The following CACNA2D3 variants were observed in gnomAD, a reference collection of about 807,000 sequenced individuals.
The protein encoded by CACNA2D3 is voltage-dependent calcium channel subunit alpha-2/delta-3.
Under a neutral mutation model 160.6 loss-of-function variants are expected in CACNA2D3, and 60 were observed. That is an observed-to-expected ratio of 0.37 (90% CI 0.30 to 0.46). The LOEUF is 0.46. Among genes scored for constraint, CACNA2D3 ranks in the 20% least tolerant of loss-of-function variants. The pLI is 1.00. For missense variants in CACNA2D3, 1,205 were observed against 1,365.0 expected (o/e 0.88, Z 1.85); for synonymous variants, 558 against 492.9 (o/e 1.13, Z -1.75).
chr3:54,780,657 A>G (rs1321556222), intron 13 of CACNA2D3, among the ~76,000 whole-genome samples: 1 of 152,208 alleles, frequency 6.6e-6, no homozygotes, highest in African/African-American at 2.4e-5. Flanking sequence ...TTTAATTACC[A>G]TCCTTATTCA....
chr3:54,736,107 A>ATGTATG (rs1553814481), intron 11 of CACNA2D3, among the ~76,000 whole-genome samples: 1,886 of 20,730 alleles, frequency 0.091, 212 homozygotes, highest in African/African-American at 0.27. Context: ...ATACATATAT[A>ATGTATG]TGTATATATA....
At chr3:54,821,576 T>G (rs546590105) in intron 14 of CACNA2D3, among the ~76,000 whole-genome samples, 40 of 152,358 alleles carry the variant, frequency 2.6e-4, no homozygotes, top group African/African-American at 9.1e-4. Flanking sequence ...GCATTTTCTT[T>G]GTTTCCTTGT....
intron 4 of CACNA2D3, among the ~76,000 whole-genome samples, chr3:54,414,434 G>A (rs965970422): frequency 1.3e-5 from 2 of 152,040 alleles, no homozygotes; most frequent in Non-Finnish European, 2.9e-5. Context: ...AATTGATAAG[G>A]TTTTGTTTGA....
At chr3:54,749,949 G>A (rs1471316932) in intron 11 of CACNA2D3, among the ~76,000 whole-genome samples, 2 of 152,228 alleles carry the variant, frequency 1.3e-5, no homozygotes, top group Non-Finnish European at 2.9e-5. Flanking sequence ...CAGTGGTGGT[G>A]GTGGTCGTGG....
chr3:54,393,897 G>C (rs1342939682), intron 4 of CACNA2D3, among the ~76,000 whole-genome samples: 2 of 152,282 alleles, frequency 1.3e-5, no homozygotes, highest in South Asian at 2.1e-4. Context: ...TTGGGGAGTG[G>C]GGTCATCACT....
At chr3:54,704,258 C>G (rs1450609285) in intron 11 of CACNA2D3, among the ~76,000 whole-genome samples, 1 of 152,148 alleles carries the variant, frequency 6.6e-6, no homozygotes, top group African/African-American at 2.4e-5. Context: ...TAAGCCAAAG[C>G]CTTGGAGTAA....
intron 8 of CACNA2D3, among the ~76,000 whole-genome samples, chr3:54,575,251 A>G (rs1345702299): frequency 6.6e-6 from 1 of 152,236 alleles, no homozygotes; most frequent in Non-Finnish European, 1.5e-5. Context: ...GCAATTCTGC[A>G]TCAGTTTCTT....
intron 14 of CACNA2D3, among the ~76,000 whole-genome samples, chr3:54,820,344 G>T (rs974096015): frequency 6.6e-6 from 1 of 152,094 alleles, no homozygotes; most frequent in Non-Finnish European, 1.5e-5. Context: ...AATGACTGTT[G>T]TCTGTAAGTT....
At chr3:54,123,436 T>TGTGTGC (rs566135326) in intron 1 of CACNA2D3, 77 bp from the exon 2 acceptor site, 49 of 916,798 alleles carry the variant, frequency 5.3e-5, no homozygotes, top group East Asian at 1.5e-4. Context: ...CATAGTCCCA[T>TGTGTGC]GTGTGCGTGT....
At chr3:54,342,344 T>C (rs1294610984) in intron 3 of CACNA2D3, among the ~76,000 whole-genome samples, 2 of 151,658 alleles carry the variant, frequency 1.3e-5, no homozygotes, top group Admixed American at 6.6e-5. Context: ...GAGTTAGTAA[T>C]AGAAATCTAC....
At chr3:54,538,933 CAA>C (rs1701928945) in intron 5 of CACNA2D3, among the ~76,000 whole-genome samples, 1 of 152,192 alleles carries the variant, frequency 6.6e-6, no homozygotes, top group Non-Finnish European at 1.5e-5. Context: ...AAAATGTGGT[CAA>C]GAGGACTTTT....
intron 9 of CACNA2D3, among the ~76,000 whole-genome samples, chr3:54,623,974 C>A (rs1208192195): frequency 1.3e-5 from 2 of 151,926 alleles, no homozygotes; most frequent in Non-Finnish European, 2.9e-5. Context: ...AAATGAAGCT[C>A]CAAAGACCAG....
At chr3:54,386,694 G>GTTT (rs62967361) in intron 3 of CACNA2D3, 21 bp from the exon 4 acceptor site, 103,459 of 1,353,860 alleles carry the variant, frequency 0.076, 1,929 homozygotes, top group African/African-American at 0.16. Context: ...GCTGTCTTCT[G>GTTT]TTTTTTTTTT....
At chr3:54,474,632 A>G (rs1235613676) in intron 4 of CACNA2D3, among the ~76,000 whole-genome samples, 1 of 152,054 alleles carries the variant, frequency 6.6e-6, no homozygotes, top group Non-Finnish European at 1.5e-5. Flanking sequence ...GAGCTTCATT[A>G]AAAAAGGAAG....
chr3:54,885,363 C>T, intron 22 of CACNA2D3, 37 bp downstream of exon 22: 1 of 1,610,790 alleles, frequency 6.2e-7, no homozygotes, highest in Non-Finnish European at 8.5e-7. Context: ...CCATGGCATC[C>T]TTCATTGCCC....
At chr3:54,815,868 G>A (rs748688847) in intron 13 of CACNA2D3, among the ~76,000 whole-genome samples, 3 of 152,160 alleles carry the variant, frequency 2.0e-5, no homozygotes, top group Non-Finnish European at 2.9e-5. Context: ...GTAAATCTTC[G>A]TAATGATGTA....
chr3:54,618,716 A>C (rs56356828), intron 9 of CACNA2D3, among the ~76,000 whole-genome samples: 30,388 of 151,998 alleles, frequency 0.2, 3,334 homozygotes, highest in Non-Finnish European at 0.24. Flanking sequence ...CTGCTCCCCC[A>C]ATCCTGGGCC....
At chr3:54,847,484 T>C (rs1698960219) in intron 17 of CACNA2D3, among the ~76,000 whole-genome samples, 1 of 152,200 alleles carries the variant, frequency 6.6e-6, no homozygotes. Context: ...GGCAAAGCAT[T>C]GTGGGGACCA....
At chr3:54,281,234 C>T (rs748453199) in intron 2 of CACNA2D3, among the ~76,000 whole-genome samples, 1 of 152,366 alleles carries the variant, frequency 6.6e-6, no homozygotes, top group Non-Finnish European at 1.5e-5. Flanking sequence ...GTATCAGGAA[C>T]AGGGCCCCTG....
Sources: gnomAD v4.1 joint callset for allele counts (sites outside exome capture counted in the v4.1 genomes callset) on GRCh38, gnomAD v4.1.1 for gene constraint, MANE v1.5 for transcripts, NCBI Gene and HGNC (gene_info 2026-07-23, HGNC 2026-07-21) for gene names.